Variants in ZCCHC7 observed in about 807,000 individuals in gnomAD.
ZCCHC7 encodes zinc finger CCHC-type containing 7, also known as zinc finger CCHC domain-containing protein 7.
In ZCCHC7, 35 loss-of-function variants were observed where a neutral mutation model predicts 52.0. The observed-to-expected ratio is 0.67, with a 90% CI of 0.51 to 0.89. The LOEUF is 0.89. Ranked by LOEUF, ZCCHC7 falls within the 40% of genes least tolerant of loss-of-function variation. The probability of loss-of-function intolerance (pLI) is 0.00; values close to 1 mark genes in which losing one functional copy is unlikely to be tolerated. For missense variants in ZCCHC7, 574 were observed against 649.1 expected, an observed-to-expected ratio of 0.88 and a Z score of 1.26; for synonymous variants, 217 against 221.5, an observed-to-expected ratio of 0.98 and a Z score of 0.18.
chr9:37,180,922 T>C (rs1021127087), intron 2 of ZCCHC7, among the ~76,000 whole-genome samples: 2 of 152,170 alleles, frequency 1.3e-5, no homozygotes, highest in Admixed American at 6.5e-5. Context: ...GTTTTATTTA[T>C]AAAACAAATA....
intron 2 of ZCCHC7, among the ~76,000 whole-genome samples, chr9:37,172,708 A>G (rs1049079053): frequency 6.6e-6 from 1 of 151,466 alleles, no homozygotes; most frequent in Non-Finnish European, 1.5e-5. Context: ...GGGCATTCCA[A>G]TAGAGAGACT....
intron 2 of ZCCHC7, among the ~76,000 whole-genome samples, chr9:37,140,496 A>T (rs1305022658): frequency 6.6e-6 from 1 of 152,002 alleles, no homozygotes; most frequent in Non-Finnish European, 1.5e-5. Flanking sequence ...CAAAATATTC[A>T]ATTTAAAAGT....
chr9:37,335,700 C>T (rs905869874), intron 6 of ZCCHC7, among the ~76,000 whole-genome samples: 1 of 152,134 alleles, frequency 6.6e-6, no homozygotes, highest in African/African-American at 2.4e-5. Context: ...TACTCTGTCT[C>T]CTAACAATGT....
chr9:37,275,318 CTTTT>C (rs35954918), intron 2 of ZCCHC7, among the ~76,000 whole-genome samples: 5 of 124,022 alleles, frequency 4.0e-5, no homozygotes, highest in Admixed American at 2.4e-4. Flanking sequence ...TCTAGTTTTC[CTTTT>C]TTTTTTTTTT....
chr9:37,265,270 T>C (rs990648703), intron 2 of ZCCHC7, among the ~76,000 whole-genome samples: 2 of 152,162 alleles, frequency 1.3e-5, no homozygotes, highest in African/African-American at 2.4e-5. Flanking sequence ...GACGTTCCAG[T>C]TTAAATCACG....
intron 2 of ZCCHC7, 145 bp downstream of exon 2, chr9:37,127,087 C>CTT: frequency 1.1e-6 from 1 of 932,102 alleles, no homozygotes; most frequent in Non-Finnish European, 1.6e-6. Flanking sequence ...ATGCGACTCT[C>CTT]TTACCAGTGG....
chr9:37,131,368 G>A (rs1392484392), intron 2 of ZCCHC7, among the ~76,000 whole-genome samples: 4 of 147,908 alleles, frequency 2.7e-5, no homozygotes, highest in Admixed American at 1.4e-4. Context: ...AATACAGGCC[G>A]GGCATGGTGG....
intron 2 of ZCCHC7, among the ~76,000 whole-genome samples, chr9:37,131,107 G>T (rs957098670): frequency 6.6e-6 from 1 of 151,888 alleles, no homozygotes; most frequent in African/African-American, 2.4e-5. Context: ...TTGGGAGGCC[G>T]AGGCAGGTGG....
chr9:37,273,041 C>T (rs1441578311), intron 2 of ZCCHC7, among the ~76,000 whole-genome samples: 2 of 152,138 alleles, frequency 1.3e-5, no homozygotes, highest in Non-Finnish European at 2.9e-5. Context: ...GCAAACTGGC[C>T]CACAGGCCAA....
At chr9:37,352,171 G>GTC (rs762710387) in intron 7 of ZCCHC7, among the ~76,000 whole-genome samples, 5 of 152,222 alleles carry the variant, frequency 3.3e-5, no homozygotes, top group South Asian at 2.1e-4. Context: ...AGTCACATCA[G>GTC]TCTAGACCAT....
chr9:37,209,802 T>A (rs957321568), intron 2 of ZCCHC7, among the ~76,000 whole-genome samples: 10 of 152,158 alleles, frequency 6.6e-5, no homozygotes, highest in African/African-American at 2.4e-4. Flanking sequence ...GGGTGTGTTC[T>A]GGAGAGAATA....
intron 2 of ZCCHC7, among the ~76,000 whole-genome samples, chr9:37,265,238 T>C (rs1827046614): frequency 1.3e-5 from 2 of 152,210 alleles, no homozygotes; most frequent in African/African-American, 2.4e-5. Context: ...TTTCATGCTT[T>C]CAGTTTAAAT....
chr9:37,184,127 G>C (rs1822518747), intron 2 of ZCCHC7, among the ~76,000 whole-genome samples: 1 of 152,160 alleles, frequency 6.6e-6, no homozygotes, highest in South Asian at 2.1e-4. Context: ...ATTCACACTT[G>C]TTTGTGTTAT....
chr9:37,217,662 C>T (rs186779564), intron 2 of ZCCHC7, among the ~76,000 whole-genome samples: 183 of 152,150 alleles, frequency 1.2e-3, no homozygotes, highest in African/African-American at 4.2e-3. Flanking sequence ...AATATTGTGT[C>T]CATGCTCTTG....
intron 2 of ZCCHC7, among the ~76,000 whole-genome samples, chr9:37,131,546 G>A (rs1478245916): frequency 6.6e-6 from 1 of 152,162 alleles, no homozygotes; most frequent in African/African-American, 2.4e-5. Flanking sequence ...TTGGGAGGCT[G>A]AGGAAGGAGA....
At position 37,354,923 on chromosome 9, in the gene ZCCHC7, AG is replaced by A; in HGVS notation, c.1198+100del. ...TGCTTTGGGGGTCATTGGTTAGCAT[AG>A]AAAGTATTTTTAGTAATTACCAAAG... On this transcript the variant is annotated intron_variant, in intron 8 of 8. Transcript: ENST00000336755. This position sits in a 1 kb window ranked among gnomAD's most constrained non-coding sequence, Gnocchi z 4.0. 1 of 717,284 alleles carries A rather than the reference AG, an allele frequency of 1.4e-6. No homozygotes were observed. The highest frequency in any genetic ancestry group is 2.2e-6 in the Non-Finnish European group (1 of 447,774). 44.4% of individuals were successfully genotyped at this position (717,284 alleles called of 1,614,324 possible). A position where few individuals can be genotyped will look rare whatever the true frequency, so the allele number is the denominator to read the frequency against.
At chr9:37,146,197 A>G (rs1747836318) in intron 2 of ZCCHC7, among the ~76,000 whole-genome samples, 1 of 151,748 alleles carries the variant, frequency 6.6e-6, no homozygotes, top group African/African-American at 2.4e-5. Context: ...GTTTTTTGGT[A>G]CCTAGAATAA....
intron 2 of ZCCHC7, among the ~76,000 whole-genome samples, chr9:37,239,457 G>GT (rs755928501): frequency 9.2e-5 from 14 of 152,122 alleles, no homozygotes; most frequent in Non-Finnish European, 1.8e-4. Context: ...AGTCCTTTGA[G>GT]TTTTTTACTA....
chr9:37,294,367 A>G (rs1456838540), intron 2 of ZCCHC7, among the ~76,000 whole-genome samples: 1 of 152,200 alleles, frequency 6.6e-6, no homozygotes, highest in Non-Finnish European at 1.5e-5. Context: ...TAGGCTCAGG[A>G]AAGGATATGA....
Sources: gnomAD v4.1 joint callset for allele counts (sites outside exome capture counted in the v4.1 genomes callset) on GRCh38, gnomAD v4.1.1 for gene constraint, Gnocchi (gnomAD v3.1) non-coding constraint, MANE v1.5 for transcripts, NCBI Gene and HGNC (gene_info 2026-07-23, HGNC 2026-07-21) for gene names.